Variants in ARHGAP24 observed in about 807,000 individuals in gnomAD.
ARHGAP24 encodes rho GTPase-activating protein 24.
In ARHGAP24, 50 loss-of-function variants were observed where a neutral mutation model predicts 76.4. The observed-to-expected ratio is 0.65, with a 90% CI of 0.52 to 0.83. ARHGAP24 has a LOEUF of 0.83. ARHGAP24 is among the 40% of genes least tolerant of loss of function. ARHGAP24 has a pLI of 0.00. For missense variants in ARHGAP24, 930 were observed against 914.2 expected (o/e 1.02, Z -0.22); for synonymous variants, 345 against 323.3 (o/e 1.07, Z -0.72).
chr4:85,751,401 T>C (rs1229431356), intron 3 of ARHGAP24, among the ~76,000 whole-genome samples: 1 of 152,206 alleles, frequency 6.6e-6, no homozygotes, highest in Non-Finnish European at 1.5e-5. Flanking sequence ...GCTAGCTGAC[T>C]CAAATATTAT....
intron 1 of ARHGAP24, among the ~76,000 whole-genome samples, chr4:85,502,180 T>C (rs927803362): frequency 3.3e-5 from 5 of 152,180 alleles, no homozygotes; most frequent in Non-Finnish European, 4.4e-5. Flanking sequence ...TTGTTCTTTT[T>C]GCTTAGGATT....
chr4:85,792,780 T>C (rs1366591406), intron 3 of ARHGAP24, among the ~76,000 whole-genome samples: 1 of 152,188 alleles, frequency 6.6e-6, no homozygotes, highest in African/African-American at 2.4e-5. Context: ...AGTTGATTTA[T>C]TGTAGTACAG....
chr4:85,683,116 G>GC (rs1491413479), intron 2 of ARHGAP24, among the ~76,000 whole-genome samples: 2 of 90,844 alleles, frequency 2.2e-5, no homozygotes, highest in African/African-American at 5.0e-5. Context: ...GTGTGGGGGG[G>GC]TGGGGGGGGG....
intron 1 of ARHGAP24, among the ~76,000 whole-genome samples, chr4:85,544,452 T>G (rs1725824266): frequency 6.6e-6 from 1 of 152,126 alleles, no homozygotes; most frequent in Non-Finnish European, 1.5e-5. Flanking sequence ...GGTCTAAATG[T>G]GAAGTGGTAT....
chr4:85,817,072 A>T (rs1249405132), intron 3 of ARHGAP24, among the ~76,000 whole-genome samples: 1 of 152,170 alleles, frequency 6.6e-6, no homozygotes. Flanking sequence ...TCTTCCTTTG[A>T]GAAGTGCCTA....
At chr4:85,506,898 T>TG (rs1278423561) in intron 1 of ARHGAP24, among the ~76,000 whole-genome samples, 1 of 10,210 alleles carries the variant, frequency 9.8e-5, no homozygotes, top group African/African-American at 1.5e-4. Context: ...AAGCCTTTTT[T>TG]TTTCCCCCCA....
intron 2 of ARHGAP24, among the ~76,000 whole-genome samples, chr4:85,717,005 T>A (rs1481001807): frequency 6.6e-6 from 1 of 152,076 alleles, no homozygotes; most frequent in Non-Finnish European, 1.5e-5. Context: ...GTTTATGGAA[T>A]TTATAGAGAT....
At position 85,972,180 on chromosome 4, in the gene ARHGAP24, C is replaced by T. The variant is rs750424434; in HGVS notation, c.732+12C>T. Reference sequence around the variant, plus strand: ...AGGAAGAGGAAGCAGTAAGTTGATGCATTTATTTCCAAATAAGCTTTTGTT... The same window carrying T: ...AGGAAGAGGAAGCAGTAAGTTGATGTATTTATTTCCAAATAAGCTTTTGTT... On this transcript the variant is annotated intron_variant, in intron 6 of 9. Transcript: ENST00000395184. The T allele has an allele frequency of 1.9e-6, 3 of 1,612,720 alleles. No homozygotes were observed. In the African/African-American group the frequency reaches 4.0e-5, roughly 22 times the overall value.
chr4:85,914,544 C>T (rs1459720318), intron 3 of ARHGAP24, among the ~76,000 whole-genome samples: 2 of 152,166 alleles, frequency 1.3e-5, no homozygotes, highest in Admixed American at 1.3e-4. Context: ...GGTTTATCAC[C>T]ATGTTTATAG....
chr4:85,674,638 C>T (rs1309793893), intron 2 of ARHGAP24, among the ~76,000 whole-genome samples: 2 of 152,138 alleles, frequency 1.3e-5, no homozygotes, highest in African/African-American at 2.4e-5. Context: ...ACTCCAAGTC[C>T]TATGTCCTTT....
At chr4:85,959,543 T>C (rs539151764) in intron 5 of ARHGAP24, among the ~76,000 whole-genome samples, 1 of 152,304 alleles carries the variant, frequency 6.6e-6, no homozygotes, top group South Asian at 2.1e-4. Flanking sequence ...AGTTTTTCCC[T>C]TTTATTGAAG....
At chr4:85,940,770 T>C (rs1736910808) in intron 4 of ARHGAP24, among the ~76,000 whole-genome samples, 1 of 152,200 alleles carries the variant, frequency 6.6e-6, no homozygotes. Context: ...AAACATTATT[T>C]CCTAAATAGA....
At chr4:85,475,696 AGGGGGCTGCGGGGGGCGGGGAG>A (rs1722561800) in intron 1 of ARHGAP24, 137 bp downstream of exon 1, 1 of 1,390 alleles carries the variant, frequency 7.2e-4, no homozygotes, top group Non-Finnish European at 1.6e-3. Flanking sequence ...GGGGGCGGGG[AGGGGGCTGCGGGGGGCGGGGAG>A]GGGGCTGCGG....
chr4:85,848,850 C>A (rs1323072045), intron 3 of ARHGAP24, among the ~76,000 whole-genome samples: 1 of 152,118 alleles, frequency 6.6e-6, no homozygotes, highest in African/African-American at 2.4e-5. Context: ...GTTACTGTAG[C>A]CTTGTAGTAT....
At chr4:85,537,791 G>C (rs1326571771) in intron 1 of ARHGAP24, among the ~76,000 whole-genome samples, 1 of 152,042 alleles carries the variant, frequency 6.6e-6, no homozygotes, top group Non-Finnish European at 1.5e-5. Flanking sequence ...TTTACATTTT[G>C]GGAATTGGAA....
chr4:85,616,188 A>C (rs73833370), intron 2 of ARHGAP24, among the ~76,000 whole-genome samples: 1 of 152,156 alleles, frequency 6.6e-6, no homozygotes. Context: ...GCATGAAACT[A>C]TATTAATCCA....
At chr4:85,515,815 T>C (rs1724474198) in intron 1 of ARHGAP24, among the ~76,000 whole-genome samples, 1 of 152,214 alleles carries the variant, frequency 6.6e-6, no homozygotes, top group African/African-American at 2.4e-5. Flanking sequence ...AGAAGTGTCA[T>C]TGCTTAGGTA....
chr4:85,992,280 G>A (rs1420977992), intron 8 of ARHGAP24: 1 of 392,912 alleles, frequency 2.5e-6, no homozygotes, highest in African/African-American at 2.1e-5. Flanking sequence ...TTCTAAGAAA[G>A]TCTCTTTACA....
chr4:85,516,617 T>G (rs1306983444), intron 1 of ARHGAP24, among the ~76,000 whole-genome samples: 1 of 151,870 alleles, frequency 6.6e-6, no homozygotes, highest in Non-Finnish European at 1.5e-5. Flanking sequence ...TTTCATCTTT[T>G]TTTTTTCTAT....
Sources: gnomAD v4.1 joint callset for allele counts (sites outside exome capture counted in the v4.1 genomes callset) on GRCh38, gnomAD v4.1.1 for gene constraint, MANE v1.5 for transcripts, NCBI Gene and HGNC (gene_info 2026-07-23, HGNC 2026-07-21) for gene names.